PGM1: variants seen among roughly 807,000 people sequenced by gnomAD.
The protein encoded by PGM1 is phosphoglucomutase 1.
Under a neutral mutation model 55.6 loss-of-function variants are expected in PGM1, and 52 were observed. The ratio of observed to expected loss-of-function variants is 0.94; its 90% CI spans 0.75 to 1.18. The LOEUF (loss-of-function observed/expected upper bound fraction) is 1.18. Ranked by LOEUF, PGM1 falls within the 50% of genes most tolerant of loss-of-function variation. The pLI, the probability that PGM1 is intolerant of heterozygous loss-of-function variation, is 0.00. For missense variants in PGM1, 724 were observed against 729.3 expected (o/e 0.99, Z 0.08); for synonymous variants, 287 against 271.7 (o/e 1.06, Z -0.55).
chr1:63,613,234 T>C (rs1648614634), intron 1 of PGM1, among the ~76,000 whole-genome samples: 3 of 147,744 alleles, frequency 2.0e-5, no homozygotes, highest in Admixed American at 1.3e-4. Flanking sequence ...GACCAGCCAC[T>C]CTGCTGCAAA....
At chr1:63,627,832 C>G (rs572272520) in intron 1 of PGM1, among the ~76,000 whole-genome samples, 5 of 152,238 alleles carry the variant, frequency 3.3e-5, no homozygotes, top group South Asian at 2.1e-4. Context: ...CTGGAACTGC[C>G]CGAACATAGG....
intron 10 of PGM1, among the ~76,000 whole-genome samples, chr1:63,659,286 G>C (rs1650050636): frequency 6.6e-6 from 1 of 152,180 alleles, no homozygotes; most frequent in South Asian, 2.1e-4. Context: ...CATGGAGAGA[G>C]ATTTAGCGGG....
At chr1:63,618,712 C>T (rs979382204) in intron 1 of PGM1, among the ~76,000 whole-genome samples, 14 of 152,156 alleles carry the variant, frequency 9.2e-5, no homozygotes, top group African/African-American at 2.9e-4. Context: ...GTGACACCAG[C>T]TGGGTGAGGT....
At chr1:63,605,293 A>G (rs909399396) in intron 1 of PGM1, among the ~76,000 whole-genome samples, 1 of 152,212 alleles carries the variant, frequency 6.6e-6, no homozygotes, top group African/African-American at 2.4e-5. Context: ...TTCACTGTAC[A>G]GTACCTTCAC....
intron 1 of PGM1, among the ~76,000 whole-genome samples, chr1:63,617,471 G>C (rs116240989): frequency 6.6e-6 from 1 of 151,988 alleles, no homozygotes; most frequent in South Asian, 2.1e-4. Flanking sequence ...ATTTTGGGAG[G>C]CCAGGCGGGC....
intron 1 of PGM1, among the ~76,000 whole-genome samples, chr1:63,628,901 A>G (rs992795453): frequency 2.0e-5 from 3 of 152,238 alleles, no homozygotes; most frequent in Non-Finnish European, 4.4e-5. Flanking sequence ...TGAAAAAGCC[A>G]AGCTTGACTG....
At chr1:63,633,920 A>T (rs1414251379) in intron 4 of PGM1, among the ~76,000 whole-genome samples, 2 of 40,320 alleles carry the variant, frequency 5.0e-5, no homozygotes, top group African/African-American at 2.6e-4. Flanking sequence ...GTGTGTGTGT[A>T]TATATATATA....
Position 63,636,346 on chromosome 1 carries a change from G to T in PGM1, c.986G>T (p.Arg329Leu), listed in dbSNP as rs747394265. 6.2e-7 allele frequency: 1 copy of T among 1,613,990 alleles called. No individual in the cohort carries two copies. The highest frequency in any genetic ancestry group is 1.1e-5 in the South Asian group (1 of 91,092). ...SIPYFQQTGV[R>L]GFARSMPTSG... ...CCGTATTTCCAGCAGACTGGGGTCC[G>T]CGGCTTTGCACGGAGCATGCCCACG... is the stretch of plus-strand genomic sequence containing the variant. Residue 329 changes from arginine to leucine, a missense_variant, in exon 6 of 11, where the codon CGC becomes CTC. This residue lies in a region of PGM1 where 316 missense variants were observed against 313.1 expected (regional missense o/e 1.01). Coordinates refer to ENST00000371084, the MANE Select transcript of PGM1 (RefSeq NM_002633.3).
At chr1:63,643,308 T>G (rs1649565580) in intron 7 of PGM1, among the ~76,000 whole-genome samples, 1 of 152,244 alleles carries the variant, frequency 6.6e-6, no homozygotes, top group Admixed American at 6.5e-5. Context: ...GGATACGCCT[T>G]GTGCATCTTG....
chr1:63,658,025 G>C (rs1457909538), intron 10 of PGM1, among the ~76,000 whole-genome samples: 2 of 152,230 alleles, frequency 1.3e-5, no homozygotes, highest in Non-Finnish European at 2.9e-5. Flanking sequence ...GCAGTGGATG[G>C]TGTGAGGTTC....
chr1:63,599,220 C>T (rs1648163690), intron 1 of PGM1, among the ~76,000 whole-genome samples: 1 of 151,942 alleles, frequency 6.6e-6, no homozygotes. Context: ...GGCTGGAGTG[C>T]AGTTGCAGGA....
chr1:63,598,518 G>A (rs1570468456), intron 1 of PGM1, among the ~76,000 whole-genome samples: 1 of 152,114 alleles, frequency 6.6e-6, no homozygotes, highest in East Asian at 1.9e-4. Context: ...AACTATAATA[G>A]GATATGAAAA....
intron 1 of PGM1, among the ~76,000 whole-genome samples, chr1:63,605,778 C>T (rs191322120): frequency 4.6e-5 from 7 of 151,932 alleles, no homozygotes; most frequent in Admixed American, 4.6e-4. Flanking sequence ...TGCCATGTTG[C>T]CCAAGCTGGT....
chr1:63,652,766 G>A (rs1374277475), intron 9 of PGM1, among the ~76,000 whole-genome samples: 1 of 152,208 alleles, frequency 6.6e-6, no homozygotes, highest in Admixed American at 6.5e-5. Context: ...TGGGGAGCAG[G>A]CAGTGAATGG....
intron 10 of PGM1, among the ~76,000 whole-genome samples, chr1:63,657,632 G>T (rs1650002512): frequency 6.6e-6 from 1 of 152,138 alleles, no homozygotes; most frequent in South Asian, 2.1e-4. Flanking sequence ...GCACCTCCCT[G>T]CTTCTCCCTT....
intron 1 of PGM1, chr1:63,622,945 A>T (rs1277521411): frequency 2.0e-5 from 3 of 153,084 alleles, no homozygotes; most frequent in Non-Finnish European, 2.9e-5. Flanking sequence ...TGGCCTTCTC[A>T]GAGATGAATG....
At chr1:63,600,346 C>T (rs1164197486) in intron 1 of PGM1, 1 of 152,148 alleles carries the variant, frequency 6.6e-6, no homozygotes, top group Admixed American at 6.5e-5. Context: ...AAAACGTTCT[C>T]CCTTTCTGAG....
intron 4 of PGM1, among the ~76,000 whole-genome samples, chr1:63,633,926 ATATATATTTTTTTTTTT>A (rs1557433720): frequency 4.8e-4 from 31 of 64,790 alleles, no homozygotes; most frequent in African/African-American, 2.8e-3. Flanking sequence ...GTGTATATAT[ATATATATTTTTTTTTTT>A]TTTTTTTTTT....
chr1:63,623,781 G>T, intron 1 of PGM1: 2 of 1,556,566 alleles, frequency 1.3e-6, no homozygotes, highest in Non-Finnish European at 8.8e-7. Flanking sequence ...GATAAGTATT[G>T]TTATGTTTCT....
Sources: gnomAD v4.1 joint callset for allele counts (sites outside exome capture counted in the v4.1 genomes callset) on GRCh38, gnomAD v4.1.1 for gene constraint, gnomAD v4.1.1 regional missense constraint, MANE v1.5 for transcripts, NCBI Gene and HGNC (gene_info 2026-07-23, HGNC 2026-07-21) for gene names.